The following PHACTR3 variants were observed in gnomAD, a reference collection of about 807,000 sequenced individuals.
The protein encoded by PHACTR3 is protein phosphatase 1, regulatory subunit 123.
Under a neutral mutation model 66.8 loss-of-function variants are expected in PHACTR3, and 16 were observed. The ratio of observed to expected loss-of-function variants is 0.24; its 90% CI spans 0.16 to 0.36. PHACTR3 has a LOEUF of 0.36. Among genes scored for constraint, PHACTR3 ranks in the 10% least tolerant of loss-of-function variants. The pLI, the probability that PHACTR3 is intolerant of heterozygous loss-of-function variation, is 1.00. For missense variants in PHACTR3, 647 were observed against 719.9 expected (o/e 0.90, Z 1.16); for synonymous variants, 323 against 292.1 (o/e 1.11, Z -1.08).
intron 1 of PHACTR3, among the ~76,000 whole-genome samples, chr20:59,625,983 A>G (rs1017205281): frequency 5.3e-5 from 8 of 152,192 alleles, no homozygotes; most frequent in South Asian, 2.1e-4. Flanking sequence ...TAGTGCTTCT[A>G]TTGTGCTGGG....
chr20:59,822,433 AG>A (rs980681865), intron 8 of PHACTR3, among the ~76,000 whole-genome samples: 2 of 148,242 alleles, frequency 1.3e-5, no homozygotes, highest in African/African-American at 5.0e-5. Flanking sequence ...GGCGTGGGGG[AG>A]GGGAGGTCAG....
chr20:59,605,105 T>A lies in PHACTR3; in HGVS notation c.91T>A (p.Ser31Thr). 1.5e-6 allele frequency: 2 copies of A among 1,316,704 alleles called. No homozygotes were observed. Among genetic ancestry groups the A allele is most frequent in the South Asian group, 1.8e-5 (1 of 56,544 alleles). 81.6% of individuals were successfully genotyped at this position (1,316,704 alleles called of 1,614,324 possible). A position where few individuals can be genotyped will look rare whatever the true frequency, so the allele number is the denominator to read the frequency against. Residue 31 changes from serine (S) to threonine (T), a missense_variant, in exon 1 of 13, where the codon TCC (serine) becomes ACC (threonine). Ser to Thr is a moderately conservative substitution (Grantham distance 58). Around this residue, in one of 2 missense-constraint regions of PHACTR3, gnomAD observed 577 missense variants for 571.1 expected, o/e 1.01. Coordinates refer to ENST00000371015, the MANE Select transcript of PHACTR3 (RefSeq NM_080672.5). ...CGTCCTCACCGACTCCTCGGCCACC[T>A]CCTCCGCGGACGCCGGGGAGAACCC... is the stretch of plus-strand genomic sequence containing the variant. ...PSVLTDSSATSSADAGENPDE... is the reference protein window; with the variant it reads ...PSVLTDSSATTSADAGENPDE...
At chr20:59,742,039 G>A (rs911929689) in intron 1 of PHACTR3, among the ~76,000 whole-genome samples, 6 of 152,220 alleles carry the variant, frequency 3.9e-5, no homozygotes, top group Non-Finnish European at 7.3e-5. Context: ...GGGATTATAG[G>A]CGTAAGCCAC....
At chr20:59,614,531 G>A (rs1407860987) in intron 1 of PHACTR3, among the ~76,000 whole-genome samples, 3 of 152,328 alleles carry the variant, frequency 2.0e-5, no homozygotes, top group South Asian at 2.1e-4. Context: ...AGACTTTGAC[G>A]TTGATTAGTT....
In PHACTR3 at chr20:59,841,484, C is replaced by T. The variant is rs6064845; in HGVS notation, c.1536C>T (p.Asp512=). Reference sequence around the variant, plus strand: ...ACGTGGAAGTAGCAAAAGCGCAGGACTATGACAGGAGGGCAGACAAACCCT... The same window carrying T: ...ACGTGGAAGTAGCAAAAGCGCAGGATTATGACAGGAGGGCAGACAAACCCT... ...SDYVEVAKAQ[D]YDRRADKPWT... The change falls in exon 11 of 13, where the codon GAC becomes GAT. Residue 512 remains aspartate (D), a synonymous_variant. Coordinates refer to ENST00000371015, the MANE Select transcript of PHACTR3 (RefSeq NM_080672.5). 1.9e-6 allele frequency: 3 copies of T among 1,613,568 alleles called. No individual in the cohort carries two copies. The highest frequency in any genetic ancestry group is 1.1e-5 in the South Asian group (1 of 91,022).
At chr20:59,704,483 G>T (rs1038790239) in intron 1 of PHACTR3, among the ~76,000 whole-genome samples, 1 of 151,022 alleles carries the variant, frequency 6.6e-6, no homozygotes, top group Non-Finnish European at 1.5e-5. Flanking sequence ...TCAGCTCATG[G>T]GAAATGCATT....
At chr20:59,740,472 AT>A (rs1016530117) in intron 1 of PHACTR3, among the ~76,000 whole-genome samples, 13 of 151,214 alleles carry the variant, frequency 8.6e-5, no homozygotes, top group Admixed American at 3.9e-4. Context: ...ATTTCCAAAA[AT>A]TTTTTTGTAG....
intron 3 of PHACTR3, 112 bp from the exon 4 acceptor site, chr20:59,755,070 T>C (rs894903484): frequency 9.4e-7 from 1 of 1,068,002 alleles, no homozygotes; most frequent in Non-Finnish European, 1.3e-6. Flanking sequence ...GGGAGAGGGG[T>C]GGGGGACCAC....
At chr20:59,643,120 C>T (rs1004909672) in intron 1 of PHACTR3, among the ~76,000 whole-genome samples, 45 of 152,256 alleles carry the variant, frequency 3.0e-4, no homozygotes, top group Admixed American at 8.5e-4. Context: ...ACCATGTTAG[C>T]CAGGATGGTC....
intron 1 of PHACTR3, among the ~76,000 whole-genome samples, chr20:59,672,843 G>T (rs191336290): frequency 6.6e-6 from 1 of 152,210 alleles, no homozygotes; most frequent in Non-Finnish European, 1.5e-5. Flanking sequence ...TTGCCCTTTG[G>T]TGTATGGACT....
intron 1 of PHACTR3, among the ~76,000 whole-genome samples, chr20:59,702,826 A>G (rs569478530): frequency 9.2e-5 from 14 of 152,338 alleles, no homozygotes; most frequent in Admixed American, 2.6e-4. Context: ...CACATCTCCA[A>G]TGATGAGGGT....
chr20:59,794,698 A>C (rs916354581), intron 7 of PHACTR3, among the ~76,000 whole-genome samples: 10 of 152,140 alleles, frequency 6.6e-5, no homozygotes, highest in African/African-American at 2.4e-4. Context: ...ATTTTTTAGT[A>C]CTGACTCAAT....
chr20:59,742,562 A>G lies in PHACTR3; in HGVS notation c.119-545A>G, dbSNP rs542609190. On this transcript the variant is annotated intron_variant, in intron 1 of 12. Transcript: ENST00000371015. ...CAAGGCTGCCCCAGGCCTGGGCTCT[A>G]CCCTAGAAGAGGTGGCAGCCTGGTG... Among the ~76,000 whole-genome samples the G allele has an allele frequency of 2.6e-5, 4 of 152,184 alleles. No individual in the cohort carries two copies. In the East Asian group the frequency reaches 7.8e-4, roughly 30 times the overall value.
intron 1 of PHACTR3, among the ~76,000 whole-genome samples, chr20:59,596,830 G>C (rs1409514255): frequency 6.6e-6 from 1 of 152,210 alleles, no homozygotes; most frequent in Non-Finnish European, 1.5e-5. Context: ...AACAAATATA[G>C]GTCACGTGCA....
chr20:59,706,529 A>T (rs547763455), intron 1 of PHACTR3, among the ~76,000 whole-genome samples: 4 of 152,294 alleles, frequency 2.6e-5, no homozygotes, highest in South Asian at 2.1e-4. Flanking sequence ...CAGAGAACAG[A>T]CCATGCATTC....
chr20:59,723,054 TTCTTTC>T (rs1448711824), intron 1 of PHACTR3, among the ~76,000 whole-genome samples: 54 of 142,524 alleles, frequency 3.8e-4, no homozygotes, highest in African/African-American at 1.0e-3. Flanking sequence ...TTTTCTTTCT[TTCTTTC>T]TCTTTCTTTC....
At chr20:59,586,723 T>C (rs2033040191) in intron 1 of PHACTR3, among the ~76,000 whole-genome samples, 1 of 152,196 alleles carries the variant, frequency 6.6e-6, no homozygotes, top group Non-Finnish European at 1.5e-5. Context: ...CTGCAGTCAC[T>C]GGACAGTGAT....
intron 7 of PHACTR3, among the ~76,000 whole-genome samples, chr20:59,781,093 A>ATTCCTCAT (rs1007052466): frequency 6.6e-6 from 1 of 152,210 alleles, no homozygotes; most frequent in Non-Finnish European, 1.5e-5. Context: ...GATTTGTGCT[A>ATTCCTCAT]TTCCTCATTC....
intron 1 of PHACTR3, among the ~76,000 whole-genome samples, chr20:59,594,541 C>A (rs1200178020): frequency 6.6e-6 from 1 of 152,094 alleles, no homozygotes; most frequent in Non-Finnish European, 1.5e-5. Context: ...GGAGTCGGTT[C>A]ATTTCATCTA....
Sources: allele counts gnomAD v4.1 joint callset (sites outside exome capture counted in the v4.1 genomes callset), GRCh38; gene constraint gnomAD v4.1.1; regional missense constraint gnomAD v4.1.1; transcripts MANE v1.5; gene names NCBI Gene and HGNC (gene_info 2026-07-23, HGNC 2026-07-21).